The following AQP9 variants were observed in gnomAD, a reference collection of about 807,000 sequenced individuals.
AQP9 encodes the protein aquaporin-9.
In AQP9, 19 loss-of-function variants were observed where a neutral mutation model predicts 23.8. The observed-to-expected ratio is 0.80, with a 90% CI of 0.56 to 1.17. AQP9 has a LOEUF of 1.17. Among genes scored for constraint, AQP9 ranks in the 50% most tolerant of loss-of-function variants. The pLI is 0.00. For missense variants in AQP9, 413 were observed against 362.0 expected (o/e 1.14, Z -1.14); for synonymous variants, 153 against 131.5 (o/e 1.16, Z -1.12).
At chr15:58,172,159 G>A (rs1347780659) in intron 2 of AQP9, among the ~76,000 whole-genome samples, 1 of 152,122 alleles carries the variant, frequency 6.6e-6, no homozygotes, top group African/African-American at 2.4e-5. Flanking sequence ...TCTGAATCCT[G>A]GTTCTTCCAT....
chr15:58,184,061 G>C lies in AQP9; in HGVS notation c.814G>C (p.Glu272Gln), dbSNP rs1484776680. 1 of 1,614,028 alleles carries C rather than the reference G, an allele frequency of 6.2e-7. No homozygotes were observed. Among genetic ancestry groups the C allele is most frequent in the Non-Finnish European group, 8.5e-7 (1 of 1,180,002 alleles). ...YVLVIEIHHP[E>Q]PDSVFKTEQS... is the part of the protein sequence containing the mutation. ...TCTTGTCATTGAAATCCACCATCCA[G>C]AGCCTGACTCAGTCTTTAAGACAGA... Residue 272 changes from glutamate (E) to glutamine (Q), a missense_variant, in exon 6 of 6, where the codon GAG becomes CAG. By Grantham distance (29) the Glu-to-Gln change is conservative. Coordinates refer to ENST00000219919, the MANE Select transcript of AQP9 (RefSeq NM_020980.5).
Position 58,177,974 on chromosome 15 carries a change from T to C in AQP9, c.496-1154T>C, listed in dbSNP as rs74908216. 2.6e-3 allele frequency among the ~76,000 whole-genome samples: 392 copies of C among 152,304 alleles called. 2 individuals carry two copies. Among genetic ancestry groups the C allele is most frequent in the African/African-American group, 9.1e-3 (378 of 41,560 alleles). Reference sequence around the variant, plus strand: ...TTCAACCAACCATGGATCAAAAATATTTTTAAATTGCATTTGTATTGGACA... The same window carrying C: ...TTCAACCAACCATGGATCAAAAATACTTTTAAATTGCATTTGTATTGGACA... On this transcript the variant is annotated intron_variant, in intron 4 of 5. Transcript: ENST00000219919.
At chr15:58,159,298 T>C (rs1239322090) in intron 1 of AQP9, among the ~76,000 whole-genome samples, 1 of 152,078 alleles carries the variant, frequency 6.6e-6, no homozygotes, top group Admixed American at 6.6e-5. Flanking sequence ...TTTTTTTTAG[T>C]AAGATTCCCG....
chr15:58,184,465 G>T lies in AQP9; in HGVS notation c.*330G>T. The T allele has an allele frequency of 4.6e-6, 1 of 219,438 alleles. No individual in the cohort carries two copies. The highest frequency in any genetic ancestry group is 1.2e-4 in the South Asian group (1 of 8,492). The allele number at this position is 219,438 out of a possible 1,614,324, so 13.6% of individuals were successfully genotyped here. On this transcript the variant is annotated 3_prime_UTR_variant, in exon 6 of 6. Transcript: ENST00000219919. Reference sequence around the variant, plus strand: ...TCTTGACGATAGTCCCATTTGGGTGGTTTCAGCTGCACTATCTGTATGAAA... The same window carrying T: ...TCTTGACGATAGTCCCATTTGGGTGTTTTCAGCTGCACTATCTGTATGAAA...
At chr15:58,153,081 G>T (rs1390315733) in intron 1 of AQP9, 5 of 152,122 alleles carry the variant, frequency 3.3e-5, no homozygotes, top group Non-Finnish European at 5.9e-5. Context: ...TGATATGGCC[G>T]AGCAGATGCT....
chr15:58,169,790 T>C (rs980356861), intron 2 of AQP9, among the ~76,000 whole-genome samples: 14 of 152,226 alleles, frequency 9.2e-5, no homozygotes, highest in African/African-American at 3.1e-4. Context: ...TTATGTAGCA[T>C]CCTGCACAAA....
chr15:58,160,575 T>C (rs1160353864), intron 1 of AQP9, among the ~76,000 whole-genome samples: 2 of 152,144 alleles, frequency 1.3e-5, no homozygotes, highest in Non-Finnish European at 2.9e-5. Flanking sequence ...GGGTAATCAC[T>C]CTGTGGTTCT....
intron 1 of AQP9, among the ~76,000 whole-genome samples, chr15:58,146,032 A>G (rs1898038486): frequency 6.6e-6 from 1 of 152,198 alleles, no homozygotes; most frequent in Admixed American, 6.5e-5. Context: ...TTTATCTGGT[A>G]ACTAATAAGA....
At chr15:58,161,276 G>A (rs1291400773) in intron 1 of AQP9, among the ~76,000 whole-genome samples, 1 of 152,122 alleles carries the variant, frequency 6.6e-6, no homozygotes, top group South Asian at 2.1e-4. Flanking sequence ...CTGGGTAATC[G>A]GGAATGACTG....
chr15:58,147,406 G>A lies in AQP9; in HGVS notation c.111+8730G>A, dbSNP rs73426145. On this transcript the variant is annotated intron_variant, in intron 1 of 5. Coordinates refer to ENST00000219919, the MANE Select transcript of AQP9 (RefSeq NM_020980.5). Reference sequence around the variant, plus strand: ...TTCAAATGGCTGAAGCAGTTCAACCGTGAAGAAATTAGGTGCCCATTATAC... The same window carrying A: ...TTCAAATGGCTGAAGCAGTTCAACCATGAAGAAATTAGGTGCCCATTATAC... 2.4e-3 allele frequency among the ~76,000 whole-genome samples: 362 copies of A among 152,226 alleles called. 1 individual carries two copies. Among genetic ancestry groups the A allele is most frequent in the African/African-American group, 8.3e-3 (346 of 41,536 alleles).
intron 1 of AQP9, chr15:58,151,356 T>C (rs1898145720): frequency 6.6e-6 from 1 of 152,148 alleles, no homozygotes; most frequent in African/African-American, 2.4e-5. Context: ...ATTATACTGT[T>C]ACCACCAACA....
chr15:58,152,067 T>C (rs1333372288), intron 1 of AQP9: 1 of 152,180 alleles, frequency 6.6e-6, no homozygotes, highest in Non-Finnish European at 1.5e-5. Context: ...GCTTTACAGG[T>C]GCAGTCACCC....
intron 2 of AQP9, among the ~76,000 whole-genome samples, chr15:58,167,203 T>G (rs1898528358): frequency 6.6e-6 from 1 of 152,000 alleles, no homozygotes; most frequent in South Asian, 2.1e-4. Flanking sequence ...ACAGGAAGAG[T>G]CTGGGTCTCT....
intron 1 of AQP9, among the ~76,000 whole-genome samples, chr15:58,157,852 CT>C (rs1898295888): frequency 6.6e-6 from 1 of 152,114 alleles, no homozygotes; most frequent in Non-Finnish European, 1.5e-5. Context: ...ACCAAAATAT[CT>C]CAGTCATCTC....
intron 1 of AQP9, among the ~76,000 whole-genome samples, chr15:58,147,587 T>C (rs1160202864): frequency 1.3e-5 from 2 of 152,136 alleles, no homozygotes; most frequent in Admixed American, 1.3e-4. Flanking sequence ...CTGGTCATGC[T>C]AAGATGTGAG....
intron 1 of AQP9, chr15:58,154,201 A>C (rs1898202629): frequency 6.6e-6 from 1 of 152,014 alleles, no homozygotes; most frequent in South Asian, 2.1e-4. Context: ...AGCTCCCCCA[A>C]CTCAAGTCTA....
At chr15:58,141,591 G>A (rs1487673277) in intron 1 of AQP9, among the ~76,000 whole-genome samples, 10 of 152,190 alleles carry the variant, frequency 6.6e-5, no homozygotes, top group African/African-American at 2.4e-4. Flanking sequence ...GGAGTGGGCA[G>A]TACAGGAAGG....
intron 2 of AQP9, among the ~76,000 whole-genome samples, chr15:58,170,933 TTTG>T (rs1315839783): frequency 9.2e-5 from 14 of 151,632 alleles, no homozygotes; most frequent in Admixed American, 5.9e-4. Context: ...CCCTTGGTTT[TTTG>T]TTGTTGTTGT....
At chr15:58,169,800 A>G (rs1239318518) in intron 2 of AQP9, among the ~76,000 whole-genome samples, 2 of 152,242 alleles carry the variant, frequency 1.3e-5, no homozygotes, top group South Asian at 2.1e-4. Context: ...TCCTGCACAA[A>G]GCATTTAGGC....
Sources: gnomAD v4.1 joint callset for allele counts (sites outside exome capture counted in the v4.1 genomes callset) on GRCh38, gnomAD v4.1.1 for gene constraint, MANE v1.5 for transcripts, NCBI Gene and HGNC (gene_info 2026-07-23, HGNC 2026-07-21) for gene names.